RTN4: variants seen among roughly 807,000 people sequenced by gnomAD.
RTN4 encodes reticulon 4, also known as reticulon-4.
In RTN4, 32 loss-of-function variants were observed where a neutral mutation model predicts 90.4. The observed-to-expected ratio is 0.35, with a 90% CI of 0.27 to 0.48. The LOEUF is 0.48. Among genes scored for constraint, RTN4 ranks in the 20% least tolerant of loss-of-function variants. The pLI, the probability that RTN4 is intolerant of heterozygous loss-of-function variation, is 0.99. For synonymous variants in RTN4, 629 were observed against 552.5 expected (o/e 1.14, Z -1.94); for missense variants, 1,706 against 1,430.2 (o/e 1.19, Z -3.11).
chr2:55,052,480 A>T (rs998814428), upstream of RTN4, among the ~76,000 whole-genome samples: 2 of 152,252 alleles, frequency 1.3e-5, no homozygotes, highest in Middle Eastern at 3.2e-3. Context: ...AAGACCTATC[A>T]CATTAATTCC....
At chr2:55,000,721 T>C (rs1289193835) in intron 3 of RTN4, among the ~76,000 whole-genome samples, 1 of 152,146 alleles carries the variant, frequency 6.6e-6, no homozygotes, top group African/African-American at 2.4e-5. Flanking sequence ...ACCATGAAGG[T>C]CTCACTCTAT....
At chr2:55,136,910 C>A in the RTN4 span, among the ~76,000 whole-genome samples, 2 of 152,134 alleles carry the variant, frequency 1.3e-5, no homozygotes, top group African/African-American at 2.4e-5. Context: ...GCTGTTGTTA[C>A]AAAGGTGAAC....
chr2:55,035,313 G>C (rs1411501416), intron 1 of RTN4, among the ~76,000 whole-genome samples: 1 of 152,130 alleles, frequency 6.6e-6, no homozygotes, highest in Non-Finnish European at 1.5e-5. Context: ...AAATCATGCA[G>C]TCTATGTTCT....
chr2:55,089,337 A>G (rs1364932090), intron 1 of RTN4, among the ~76,000 whole-genome samples: 2 of 152,200 alleles, frequency 1.3e-5, no homozygotes, highest in African/African-American at 2.4e-5. Flanking sequence ...AGTATAGCCA[A>G]TGTGGTAGCA....
intron 3 of RTN4, among the ~76,000 whole-genome samples, chr2:55,023,516 A>G (rs1306697939): frequency 6.6e-6 from 1 of 152,030 alleles, no homozygotes; most frequent in Non-Finnish European, 1.5e-5. Context: ...ACTCACTACA[A>G]TCAAAGCTCT....
intron 3 of RTN4, among the ~76,000 whole-genome samples, chr2:55,005,293 G>C (rs964257593): frequency 6.6e-6 from 1 of 152,170 alleles, no homozygotes; most frequent in Admixed American, 6.6e-5. Context: ...GCCCTGGTAA[G>C]GATGAGGAGT....
chr2:55,121,660 CA>C, the RTN4 span, among the ~76,000 whole-genome samples: 2 of 152,062 alleles, frequency 1.3e-5, no homozygotes, highest in Non-Finnish European at 2.9e-5. Context: ...TGTCATCGAC[CA>C]TTATTCTTAC....
chr2:55,126,694 T>C, the RTN4 span, among the ~76,000 whole-genome samples: 1 of 152,186 alleles, frequency 6.6e-6, no homozygotes, highest in East Asian at 1.9e-4. Context: ...CAGAGGAATA[T>C]AAACGATTCT....
At chr2:54,983,061 G>A (rs1678268872) in intron 4 of RTN4, among the ~76,000 whole-genome samples, 1 of 151,150 alleles carries the variant, frequency 6.6e-6, no homozygotes, top group South Asian at 2.1e-4. Context: ...TTATGACTAT[G>A]GTTGTTTTTT....
chr2:55,013,228 T>C (rs11903052), intron 3 of RTN4, among the ~76,000 whole-genome samples: 6,686 of 152,192 alleles, frequency 0.044, 504 homozygotes, highest in African/African-American at 0.15. Flanking sequence ...ATTCTCCTTT[T>C]CCTGAACTCA....
At chr2:55,070,091 A>G (rs1348816457) in intron 2 of RTN4, among the ~76,000 whole-genome samples, 2 of 152,174 alleles carry the variant, frequency 1.3e-5, no homozygotes, top group Admixed American at 6.5e-5. Context: ...AGGCAAAGAG[A>G]CAGTCTAAAG....
At chr2:55,008,478 C>T (rs1482657296) in intron 3 of RTN4, among the ~76,000 whole-genome samples, 1 of 151,894 alleles carries the variant, frequency 6.6e-6, no homozygotes, top group Non-Finnish European at 1.5e-5. Context: ...TATAATTTAA[C>T]CACTGACTCA....
Position 55,050,043 on chromosome 2 carries a change from C to T in RTN4, c.258G>A (p.Val86=). ...APLMDFGNDF[V]PPAPRGPLPA... is the part of the protein sequence containing the mutation. ...GCAGGGGTCCCCGGGGCGCCGGCGG[C>T]ACGAAGTCATTTCCGAAGTCCATCA... Residue 86 remains valine (V), a synonymous_variant, in exon 1 of 9, where the codon GTG becomes GTA. Transcript: ENST00000337526. The surrounding 1 kb of genome is among the most constrained non-coding windows in gnomAD (Gnocchi z 4.6). The T allele has an allele frequency of 2.8e-6, 4 of 1,410,756 alleles. No individual in the cohort carries two copies. The highest frequency in any genetic ancestry group is 3.7e-6 in the Non-Finnish European group (4 of 1,089,486). The allele number at this position is 1,410,756 out of a possible 1,614,324, so 87.4% of individuals were successfully genotyped here.
chr2:55,081,197 T>C (rs1225796600), intron 1 of RTN4, among the ~76,000 whole-genome samples: 1 of 152,090 alleles, frequency 6.6e-6, no homozygotes, highest in Non-Finnish European at 1.5e-5. Flanking sequence ...CCTCAGCCTC[T>C]GAAGTAGCTG....
In RTN4 at chr2:54,997,357, A is replaced by G. The variant is rs151218963; in HGVS notation, c.3014-9659T>C. On this transcript the variant is annotated intron_variant, in intron 3 of 8. Coordinates refer to ENST00000337526, the MANE Select transcript of RTN4 (RefSeq NM_020532.5). The stretch of plus-strand genomic sequence containing the variant: ...CTATAATCAAAAAGATGAGCAATAA[A>G]AAGTGTTAACAAAAAGTGATGAAGA... Among the ~76,000 whole-genome samples the G allele has an allele frequency of 4.6e-5, 7 of 152,322 alleles. No individual in the cohort carries two copies. The East Asian group carries it at 9.6e-4, about 21-fold the overall frequency.
chr2:55,062,490 A>G (rs1020835189), intron 2 of RTN4, among the ~76,000 whole-genome samples: 11 of 152,172 alleles, frequency 7.2e-5, no homozygotes, highest in Non-Finnish European at 1.3e-4. Context: ...GGCACTGAAG[A>G]GGGGAGCCAC....
chr2:55,085,718 T>C (rs12464196), intron 1 of RTN4, among the ~76,000 whole-genome samples: 2,059 of 152,214 alleles, frequency 0.014, 23 homozygotes, highest in Middle Eastern at 0.041. Flanking sequence ...TAGAAAAAAA[T>C]GAATGAGTAT....
intron 6 of RTN4, among the ~76,000 whole-genome samples, chr2:54,974,406 A>G (rs1403004267): frequency 2.0e-5 from 3 of 152,160 alleles, no homozygotes; most frequent in Admixed American, 2.0e-4. Flanking sequence ...CAGCCTCCGG[A>G]GTAGCTGGGA....
At chr2:54,999,704 A>G (rs1485601245) in intron 3 of RTN4, among the ~76,000 whole-genome samples, 1 of 152,164 alleles carries the variant, frequency 6.6e-6, no homozygotes, top group African/African-American at 2.4e-5. Context: ...AAGTAATTAT[A>G]TATTTATTAA....
Sources: gnomAD v4.1 joint callset for allele counts (sites outside exome capture counted in the v4.1 genomes callset) on GRCh38, gnomAD v4.1.1 for gene constraint, Gnocchi (gnomAD v3.1) non-coding constraint, MANE v1.5 for transcripts, NCBI Gene and HGNC (gene_info 2026-07-23, HGNC 2026-07-21) for gene names.